Variants in TRHDE observed in about 807,000 individuals in gnomAD.
The protein encoded by TRHDE is thyrotropin releasing hormone degrading enzyme.
Under a neutral mutation model 125.7 loss-of-function variants are expected in TRHDE, and 72 were observed. The ratio of observed to expected loss-of-function variants is 0.57; its 90% CI spans 0.47 to 0.70. The LOEUF is 0.70. Among genes scored for constraint, TRHDE ranks in the 30% least tolerant of loss-of-function variants. The pLI, the probability that TRHDE is intolerant of heterozygous loss-of-function variation, is 0.00. For missense variants in TRHDE, 1,110 were observed against 1,327.1 expected (o/e 0.84, Z 2.54); for synonymous variants, 509 against 509.1 (o/e 1.00, Z 0.00).
At position 72,112,827 on chromosome 12, in the gene TRHDE, G is replaced by A. The variant is rs1267360107; in HGVS notation, n.279+7075G>A. On this transcript the variant is annotated intron_variant and non_coding_transcript_variant, in intron 2 of 4. Transcript: ENST00000548156. ...GCCTGACTTAGAGGCTTTGTCTCCT[G>A]TGAAGCCCAATTTTTAGCCATGTGA... Among the ~76,000 whole-genome samples the A allele has an allele frequency of 2.0e-5, 3 of 152,098 alleles. 1 individual carries two copies. The highest frequency in any genetic ancestry group is 2.0e-4 in the Admixed American group (3 of 15,264).
At chr12:72,622,585 G>T (rs1278484512) in intron 15 of TRHDE, among the ~76,000 whole-genome samples, 1 of 152,008 alleles carries the variant, frequency 6.6e-6, no homozygotes, top group African/African-American at 2.4e-5. Flanking sequence ...CATTTTATGT[G>T]CAACAGCGGG....
Position 72,501,447 on chromosome 12 carries a change from G to C in TRHDE, c.1722+1812G>C, listed in dbSNP as rs183110738. On this transcript the variant is annotated intron_variant, in intron 6 of 18. Transcript: ENST00000261180. ...CTTTTCTCCAGAATCTATCAAGATGGTTATATTTTTTTTGTTTTTTAGTTT... is the reference window on the plus strand; with the variant it reads ...CTTTTCTCCAGAATCTATCAAGATGCTTATATTTTTTTTGTTTTTTAGTTT... Among the ~76,000 whole-genome samples, 218 of 150,874 alleles carry C rather than the reference G, an allele frequency of 1.4e-3. 1 individual carries two copies. Among genetic ancestry groups the C allele is most frequent in the Middle Eastern group, 3.5e-3 (1 of 288 alleles).
intron 2 of TRHDE, among the ~76,000 whole-genome samples, chr12:72,369,613 A>C (rs140727137): frequency 6.6e-6 from 1 of 152,182 alleles, no homozygotes; most frequent in African/African-American, 2.4e-5. Flanking sequence ...ATGATAAACT[A>C]TAGCCCCCAG....
intron 6 of TRHDE, among the ~76,000 whole-genome samples, chr12:72,508,484 C>T (rs1004948603): frequency 6.6e-6 from 1 of 152,218 alleles, no homozygotes; most frequent in Non-Finnish European, 1.5e-5. Context: ...TTCAGACTTA[C>T]ATGGGGCCTG....
intron 2 of TRHDE, among the ~76,000 whole-genome samples, chr12:72,345,051 A>T (rs1870253955): frequency 6.6e-6 from 1 of 152,112 alleles, no homozygotes; most frequent in South Asian, 2.1e-4. Context: ...TATGTTGATG[A>T]GCAAGTGAAA....
At chr12:72,329,103 A>G (rs1478707634) in intron 2 of TRHDE, among the ~76,000 whole-genome samples, 1 of 152,026 alleles carries the variant, frequency 6.6e-6, no homozygotes, top group Non-Finnish European at 1.5e-5. Context: ...CCTTTGCTAG[A>G]CTCTTGGGAT....
intron 2 of TRHDE, chr12:72,264,717 C>G (rs1450640096): frequency 2.0e-5 from 3 of 151,888 alleles, no homozygotes; most frequent in Non-Finnish European, 2.9e-5. Context: ...AAAAAACCCT[C>G]CAGACCCTAT....
intron 2 of TRHDE, chr12:72,263,571 A>G (rs17725193): frequency 0.15 from 23,370 of 152,110 alleles, 1,924 homozygotes; most frequent in Middle Eastern, 0.3. Flanking sequence ...GATATATGTC[A>G]GAATGTCATG....
rs192437622 is a variant in TRHDE at position 72,224,615 on chromosome 12, G to A, written n.279+118863G>A. ...AGTTCTGCATCCTTATGAAAGAGGT[G>A]GGGTTCTCTGCAGGTTTTCTTCACA... On this transcript the variant is annotated intron_variant and non_coding_transcript_variant, in intron 2 of 4. Transcript: ENST00000548156. Among the ~76,000 whole-genome samples the A allele has an allele frequency of 1.1e-3, 168 of 152,122 alleles. 1 individual carries two copies. The East Asian group carries it at 0.017, about 16-fold the overall frequency.
chr12:72,459,663 C>G (rs981549630), intron 3 of TRHDE, among the ~76,000 whole-genome samples: 1 of 152,094 alleles, frequency 6.6e-6, no homozygotes, highest in Non-Finnish European at 1.5e-5. Flanking sequence ...CACTCTGTTG[C>G]CTAGGCTGGA....
chr12:72,365,319 T>C (rs1871296029), intron 2 of TRHDE, among the ~76,000 whole-genome samples: 1 of 152,086 alleles, frequency 6.6e-6, no homozygotes, highest in Non-Finnish European at 1.5e-5. Flanking sequence ...AGTCCAGTGG[T>C]TCTTCAACTT....
At chr12:72,345,642 C>T (rs1565707057) in intron 2 of TRHDE, among the ~76,000 whole-genome samples, 1 of 151,942 alleles carries the variant, frequency 6.6e-6, no homozygotes, top group Non-Finnish European at 1.5e-5. Flanking sequence ...CTCCAGAACA[C>T]CATTGTCTGA....
intron 2 of TRHDE, among the ~76,000 whole-genome samples, chr12:72,188,900 T>G (rs761673082): frequency 4.6e-5 from 7 of 152,316 alleles, no homozygotes; most frequent in Middle Eastern, 3.4e-3. Context: ...GCTGCAAGAA[T>G]CTTCCCCATC....
Position 72,605,498 on chromosome 12 carries a change from C to G in TRHDE, c.2322-13393C>G, listed in dbSNP as rs188610170. ...GAAAGATGGTTTCAAGTGGACACAA[C>G]TGTATTTTAGAGGATACTAAAGTGT... On this transcript the variant is annotated intron_variant, in intron 12 of 18. Transcript: ENST00000261180. 6.8e-3 allele frequency among the ~76,000 whole-genome samples: 1,032 copies of G among 152,134 alleles called. 10 individuals are homozygous for G. The highest frequency in any genetic ancestry group is 0.01 in the Non-Finnish European group (697 of 67,948).
At chr12:72,528,199 A>G (rs1868375167) in intron 6 of TRHDE, among the ~76,000 whole-genome samples, 1 of 152,186 alleles carries the variant, frequency 6.6e-6, no homozygotes, top group Admixed American at 6.5e-5. Flanking sequence ...TTTATTTGTG[A>G]CGTTTTCTGG....
chr12:72,351,342 T>C (rs1462182472), intron 2 of TRHDE, among the ~76,000 whole-genome samples: 1 of 151,934 alleles, frequency 6.6e-6, no homozygotes, highest in African/African-American at 2.4e-5. Context: ...ACTAAAAGTG[T>C]TCTTTATCAC....
At chr12:72,535,445 G>A (rs1482732974) in intron 6 of TRHDE, among the ~76,000 whole-genome samples, 5 of 152,060 alleles carry the variant, frequency 3.3e-5, no homozygotes, top group Non-Finnish European at 7.4e-5. Flanking sequence ...CTTGGCCTCA[G>A]GAAGTAATAA....
chr12:72,178,810 C>A (rs2139340081), intron 2 of TRHDE, among the ~76,000 whole-genome samples: 1 of 152,154 alleles, frequency 6.6e-6, no homozygotes, highest in East Asian at 1.9e-4. Context: ...GACTTGAGAA[C>A]AGATTTATCT....
At chr12:72,501,747 A>G (rs943267887) in intron 6 of TRHDE, among the ~76,000 whole-genome samples, 1 of 152,112 alleles carries the variant, frequency 6.6e-6, no homozygotes, top group African/African-American at 2.4e-5. Flanking sequence ...GAATTTGTAT[A>G]AAATTTATAT....
Sources: gnomAD v4.1 joint callset for allele counts (sites outside exome capture counted in the v4.1 genomes callset) on GRCh38, gnomAD v4.1.1 for gene constraint, MANE v1.5 for transcripts, NCBI Gene and HGNC (gene_info 2026-07-23, HGNC 2026-07-21) for gene names.